The following CNTNAP2 variants were observed in gnomAD, a reference collection of about 807,000 sequenced individuals.
The protein encoded by CNTNAP2 is contactin associated protein 2.
In CNTNAP2, 98 loss-of-function variants were observed where a neutral mutation model predicts 155.2. The observed-to-expected ratio is 0.63, with a 90% CI of 0.54 to 0.75. The LOEUF (loss-of-function observed/expected upper bound fraction) is 0.75, where lower values mean the gene tolerates loss of function less well. Ranked by LOEUF, CNTNAP2 falls within the 30% of genes least tolerant of loss-of-function variation. The pLI, the probability that CNTNAP2 is intolerant of heterozygous loss-of-function variation, is 0.00. For synonymous variants in CNTNAP2, 651 were observed against 631.2 expected, an observed-to-expected ratio of 1.03 and a Z score of -0.47; for missense variants, 1,727 against 1,688.1, an observed-to-expected ratio of 1.02 and a Z score of -0.40.
At chr7:146,308,495 T>G (rs143564889) in intron 1 of CNTNAP2, among the ~76,000 whole-genome samples, 5,746 of 152,186 alleles carry the variant, frequency 0.038, 185 homozygotes, top group African/African-American at 0.079. Context: ...CCCAAAAGAT[T>G]ATAAATCATG....
chr7:146,985,308 ATTTTTTTTTTTTTTTT>A (rs71165057), intron 3 of CNTNAP2, among the ~76,000 whole-genome samples: 4 of 127,818 alleles, frequency 3.1e-5, no homozygotes, highest in Admixed American at 1.5e-4. Context: ...AAATGCTTGA[ATTTTTTTTTTTTTTTT>A]TTTTTTTTTT....
At chr7:147,319,325 A>G (rs550147929) in intron 9 of CNTNAP2, among the ~76,000 whole-genome samples, 77 of 152,304 alleles carry the variant, frequency 5.1e-4, no homozygotes, top group Non-Finnish European at 7.6e-4. Flanking sequence ...ATAATGGTAA[A>G]TATCAACTAA....
chr7:147,319,653 C>T (rs1795308899), intron 9 of CNTNAP2, among the ~76,000 whole-genome samples: 1 of 152,102 alleles, frequency 6.6e-6, no homozygotes, highest in South Asian at 2.1e-4. Flanking sequence ...GCTGGGATTA[C>T]AGGCATGAGC....
At chr7:147,373,448 G>A (rs988418264) in intron 9 of CNTNAP2, among the ~76,000 whole-genome samples, 21 of 151,978 alleles carry the variant, frequency 1.4e-4, no homozygotes, top group African/African-American at 5.1e-4. Flanking sequence ...TGAACTTTCT[G>A]AAGTAATATT....
chr7:147,934,833 T>C (rs1191452003), intron 14 of CNTNAP2, among the ~76,000 whole-genome samples: 7 of 152,188 alleles, frequency 4.6e-5, no homozygotes, highest in Admixed American at 1.3e-4. Flanking sequence ...CTATTCACAA[T>C]ATGTGTAGTA....
At chr7:147,178,029 A>G (rs894588754) in intron 8 of CNTNAP2, among the ~76,000 whole-genome samples, 1 of 152,266 alleles carries the variant, frequency 6.6e-6, no homozygotes, top group Non-Finnish European at 1.5e-5. Flanking sequence ...TATCTGTGGA[A>G]GGCAGAATAA....
At chr7:146,826,032 A>T (rs1563247983) in intron 2 of CNTNAP2, among the ~76,000 whole-genome samples, 1 of 151,974 alleles carries the variant, frequency 6.6e-6, no homozygotes. Context: ...GCTATTCTGC[A>T]TTTTTTTCCA....
intron 1 of CNTNAP2, among the ~76,000 whole-genome samples, chr7:146,151,444 A>T (rs1418156353): frequency 6.6e-6 from 1 of 150,774 alleles, no homozygotes; most frequent in Non-Finnish European, 1.5e-5. Context: ...CTGCTTTATG[A>T]ATTCAATTTT....
chr7:147,324,461 C>A (rs2692139), intron 9 of CNTNAP2, among the ~76,000 whole-genome samples: 74,656 of 151,892 alleles, frequency 0.49, 19,505 homozygotes, highest in East Asian at 0.73. Context: ...ATCCATTCAG[C>A]CTTATGTTTT....
At chr7:146,806,494 CAA>C (rs5888222) in intron 2 of CNTNAP2, among the ~76,000 whole-genome samples, 29,719 of 148,232 alleles carry the variant, frequency 0.2, 3,448 homozygotes, top group Middle Eastern at 0.35. Context: ...AAAATTCCAT[CAA>C]AAAAAAAAAA....
At chr7:148,333,359 C>T (rs988655127) in intron 21 of CNTNAP2, among the ~76,000 whole-genome samples, 8 of 151,406 alleles carry the variant, frequency 5.3e-5, no homozygotes, top group Non-Finnish European at 1.2e-4. Flanking sequence ...ACCTGGGAGG[C>T]AGAGGTTGCG....
intron 6 of CNTNAP2, among the ~76,000 whole-genome samples, chr7:147,124,719 G>A (rs376208783): frequency 2.0e-5 from 3 of 151,924 alleles, no homozygotes; most frequent in African/African-American, 4.8e-5. Flanking sequence ...CTTAGCAGTC[G>A]GTTCTTGTGA....
At chr7:146,527,501 G>A (rs2129138465) in intron 1 of CNTNAP2, among the ~76,000 whole-genome samples, 1 of 150,052 alleles carries the variant, frequency 6.7e-6, no homozygotes, top group Middle Eastern at 3.5e-3. Flanking sequence ...TCATATGTCT[G>A]GAATTTATCT....
At chr7:146,661,047 C>T (rs372529572) in intron 1 of CNTNAP2, among the ~76,000 whole-genome samples, 58 of 152,264 alleles carry the variant, frequency 3.8e-4, no homozygotes, top group African/African-American at 1.3e-3. Flanking sequence ...CAGCTCTGAT[C>T]GGCTTACTGA....
intron 13 of CNTNAP2, among the ~76,000 whole-genome samples, chr7:147,737,020 C>T (rs942172315): frequency 3.9e-5 from 6 of 152,214 alleles, no homozygotes; most frequent in African/African-American, 1.2e-4. Context: ...CTTCTCTCAA[C>T]TCATCAAAGT....
rs144842680 is a variant in CNTNAP2, at chr7:147,943,766, C to CAA, written c.2256-34065_2256-34064dup. Among the ~76,000 whole-genome samples, 236 of 40,176 alleles carry CAA rather than the reference C, an allele frequency of 5.9e-3. 16 individuals are homozygous for CAA. Among genetic ancestry groups the CAA allele is most frequent in the Middle Eastern group, 0.042 (2 of 48 alleles). The allele number at this position is 40,176 out of a possible 152,430, so 26.4% of individuals were successfully genotyped here. ...TGAGCAACAAAGTGAGACCCCGTCTCAAAAAAAAAAAAAAAAAAAAAAAAA... is the reference window on the plus strand; with the variant it reads ...TGAGCAACAAAGTGAGACCCCGTCTCAAAAAAAAAAAAAAAAAAAAAAAAAAA... On this transcript the variant is annotated intron_variant, in intron 14 of 23. Coordinates refer to ENST00000361727, the MANE Select transcript of CNTNAP2 (RefSeq NM_014141.6).
intron 1 of CNTNAP2, among the ~76,000 whole-genome samples, chr7:146,382,836 T>C (rs1312751666): frequency 6.6e-6 from 1 of 152,152 alleles, no homozygotes; most frequent in Non-Finnish European, 1.5e-5. Context: ...ATGTATTCTA[T>C]AGCCAAATGA....
intron 2 of CNTNAP2, among the ~76,000 whole-genome samples, chr7:146,817,739 A>G (rs1465756151): frequency 1.3e-5 from 2 of 152,130 alleles, no homozygotes; most frequent in African/African-American, 4.8e-5. Flanking sequence ...TGATGAGAAC[A>G]GCACCAAGAG....
At chr7:146,802,297 T>A (rs1585097244) in intron 2 of CNTNAP2, among the ~76,000 whole-genome samples, 1 of 152,260 alleles carries the variant, frequency 6.6e-6, no homozygotes, top group East Asian at 1.9e-4. Context: ...AGAAATGAGG[T>A]CTCAGTTTTC....
Sources: allele counts gnomAD v4.1 joint callset (sites outside exome capture counted in the v4.1 genomes callset), GRCh38; gene constraint gnomAD v4.1.1; transcripts MANE v1.5; gene names NCBI Gene and HGNC (gene_info 2026-07-23, HGNC 2026-07-21).